Variants in TRPC7 observed in about 807,000 individuals in gnomAD.
TRPC7 encodes transient receptor potential cation channel subfamily C member 7, also known as short transient receptor potential channel 7.
In TRPC7, 42 loss-of-function variants were observed where a neutral mutation model predicts 90.1. The ratio of observed to expected loss-of-function variants is 0.47; its 90% CI spans 0.36 to 0.60. TRPC7 has a LOEUF of 0.60. Ranked by LOEUF, TRPC7 falls within the 20% of genes least tolerant of loss-of-function variation. The probability of loss-of-function intolerance (pLI) is 0.00; values close to 1 mark genes in which losing one functional copy is unlikely to be tolerated. For missense variants in TRPC7, 955 were observed against 1,112.3 expected (o/e 0.86, Z 2.01); for synonymous variants, 451 against 436.3 (o/e 1.03, Z -0.42).
At chr5:136,298,279 C>A (rs1758252846) in intron 3 of TRPC7, among the ~76,000 whole-genome samples, 1 of 152,144 alleles carries the variant, frequency 6.6e-6, no homozygotes, top group African/African-American at 2.4e-5. Flanking sequence ...GGATCAGTAA[C>A]TTCCCTGGGC....
intron 3 of TRPC7, among the ~76,000 whole-genome samples, chr5:136,298,668 G>A (rs1758266953): frequency 6.6e-6 from 1 of 152,060 alleles, no homozygotes; most frequent in South Asian, 2.1e-4. Flanking sequence ...CAACCCCCTT[G>A]CCTTAACATG....
intron 4 of TRPC7, among the ~76,000 whole-genome samples, chr5:136,270,545 A>G (rs991348069): frequency 6.6e-6 from 1 of 152,212 alleles, no homozygotes. Context: ...TGTTCGGGAT[A>G]TCTCTTATAG....
intron 2 of TRPC7, among the ~76,000 whole-genome samples, chr5:136,345,916 A>T (rs542792259): frequency 2.0e-5 from 3 of 152,180 alleles, no homozygotes; most frequent in Non-Finnish European, 2.9e-5. Context: ...CTTTCTACAT[A>T]TGGCTAGCCA....
intron 2 of TRPC7, among the ~76,000 whole-genome samples, chr5:136,323,308 G>A (rs1019193640): frequency 3.9e-5 from 6 of 152,150 alleles, no homozygotes; most frequent in Admixed American, 3.9e-4. Flanking sequence ...CCACTCTTGG[G>A]TGTGTCTTTA....
intron 10 of TRPC7, 95 bp downstream of exon 10, chr5:136,225,179 T>C: frequency 9.3e-7 from 1 of 1,069,800 alleles, no homozygotes; most frequent in Non-Finnish European, 1.4e-6. Context: ...AATGAAGCTG[T>C]GTTCTCGGGG....
intron 3 of TRPC7, among the ~76,000 whole-genome samples, chr5:136,296,447 G>C (rs1758174314): frequency 6.6e-6 from 1 of 151,738 alleles, no homozygotes; most frequent in African/African-American, 2.4e-5. Flanking sequence ...TCAACTTCAG[G>C]AAATAACAGA....
At chr5:136,290,648 A>G (rs546405870) in intron 3 of TRPC7, among the ~76,000 whole-genome samples, 2 of 152,358 alleles carry the variant, frequency 1.3e-5, no homozygotes, top group South Asian at 4.1e-4. Context: ...ATGTGAAAAG[A>G]CCAAGTCTAC....
rs567504665 is a variant in TRPC7, at chr5:136,225,347, C to G, written c.2270G>C (p.Arg757Pro). Residue 757 changes from arginine to proline, a missense_variant, in exon 10 of 12, where the codon CGC (arginine) becomes CCC (proline). Physicochemically the swap from Arg to Pro is moderately radical, Grantham distance 103 (BLOSUM62 -2). This residue lies in a region of TRPC7 where 296 missense variants were observed against 422.7 expected (regional missense o/e 0.70). Transcript: ENST00000513104. Reference sequence around the variant, plus strand: ...AGAATTCCTCATGCCAGCCTGGTAGCGAGTCTTCTGGATAAAACAAACAAA... The same window carrying G: ...AGAATTCCTCATGCCAGCCTGGTAGGGAGTCTTCTGGATAAAACAAACAAA... ...GMLNSKFKKTRYQAGMRNSEN... is the reference protein window; with the variant it reads ...GMLNSKFKKTPYQAGMRNSEN... 20 of 1,611,520 alleles carry G rather than the reference C, an allele frequency of 1.2e-5. No homozygotes were observed. Among genetic ancestry groups the G allele is most frequent in the Non-Finnish European group, 1.5e-5 (18 of 1,179,268 alleles).
intron 2 of TRPC7, among the ~76,000 whole-genome samples, chr5:136,325,201 C>G (rs1055712467): frequency 3.3e-5 from 5 of 152,242 alleles, no homozygotes; most frequent in Middle Eastern, 3.4e-3. Flanking sequence ...TGAAAGTTGA[C>G]CACTGGATTG....
chr5:136,358,001 A>C (rs1413171147), intron 1 of TRPC7, among the ~76,000 whole-genome samples: 1 of 152,156 alleles, frequency 6.6e-6, no homozygotes, highest in Non-Finnish European at 1.5e-5. Context: ...GAGCTCCTAC[A>C]CCATGGCAAA....
At chr5:136,296,384 G>T (rs1341346998) in intron 3 of TRPC7, among the ~76,000 whole-genome samples, 1 of 152,054 alleles carries the variant, frequency 6.6e-6, no homozygotes, top group Non-Finnish European at 1.5e-5. Flanking sequence ...TATATTTCAA[G>T]AACCATAGCA....
At chr5:136,252,050 C>T (rs956540686) in intron 5 of TRPC7, among the ~76,000 whole-genome samples, 168 bp from the exon 6 acceptor site, 4 of 152,148 alleles carry the variant, frequency 2.6e-5, no homozygotes, top group Non-Finnish European at 5.9e-5. Context: ...CAGATTTAGA[C>T]CCAGGAGACT....
intron 3 of TRPC7, among the ~76,000 whole-genome samples, chr5:136,306,724 C>A (rs1758644720): frequency 6.6e-6 from 1 of 152,080 alleles, no homozygotes; most frequent in Non-Finnish European, 1.5e-5. Flanking sequence ...CCTAACTGAT[C>A]AATGTACTTT....
chr5:136,335,904 A>G (rs1759647400), intron 2 of TRPC7, among the ~76,000 whole-genome samples: 1 of 18,940 alleles, frequency 5.3e-5, no homozygotes, highest in South Asian at 8.0e-4. Flanking sequence ...ACTCCGTCTC[A>G]AAAAAAAAAA....
At chr5:136,354,105 T>G (rs1346495572) in intron 2 of TRPC7, among the ~76,000 whole-genome samples, 1 of 152,208 alleles carries the variant, frequency 6.6e-6, no homozygotes, top group African/African-American at 2.4e-5. Context: ...TTTAAAAAAC[T>G]TTTTGGCTTG....
At chr5:136,261,305 G>A (rs1455795370) in intron 5 of TRPC7, among the ~76,000 whole-genome samples, 2 of 152,158 alleles carry the variant, frequency 1.3e-5, no homozygotes, top group African/African-American at 2.4e-5. Flanking sequence ...ATAATATAGT[G>A]CCTAATAACT....
intron 2 of TRPC7, among the ~76,000 whole-genome samples, chr5:136,322,038 G>A (rs531570218): frequency 7.4e-4 from 112 of 151,038 alleles, no homozygotes; most frequent in African/African-American, 2.5e-3. Context: ...TTTTTAAGAC[G>A]GAGTTTCACT....
chr5:136,333,064 T>C (rs1017573721), intron 2 of TRPC7, among the ~76,000 whole-genome samples: 4 of 152,196 alleles, frequency 2.6e-5, no homozygotes, highest in Non-Finnish European at 5.9e-5. Context: ...ACCCTCAGAA[T>C]TGTGAACATG....
intron 3 of TRPC7, among the ~76,000 whole-genome samples, chr5:136,311,767 G>C (rs778086756): frequency 6.6e-6 from 1 of 152,140 alleles, no homozygotes; most frequent in Non-Finnish European, 1.5e-5. Flanking sequence ...GGGAAGAGTC[G>C]TATCCCTGAT....
Sources: allele counts gnomAD v4.1 joint callset (sites outside exome capture counted in the v4.1 genomes callset), GRCh38; gene constraint gnomAD v4.1.1; regional missense constraint gnomAD v4.1.1; transcripts MANE v1.5; gene names NCBI Gene and HGNC (gene_info 2026-07-23, HGNC 2026-07-21).